The following NRG1 variants were observed in gnomAD, a reference collection of about 807,000 sequenced individuals.
The protein encoded by NRG1 is pro-neuregulin-1, membrane-bound isoform.
Under a neutral mutation model 63.8 loss-of-function variants are expected in NRG1, and 18 were observed. The observed-to-expected ratio is 0.28, with a 90% CI of 0.19 to 0.42. NRG1 has a LOEUF of 0.42. Ranked by LOEUF, NRG1 falls within the 10% of genes least tolerant of loss-of-function variation. The probability of loss-of-function intolerance (pLI) is 1.00; values close to 1 mark genes in which losing one functional copy is unlikely to be tolerated. For synonymous variants in NRG1, 302 were observed against 301.3 expected (o/e 1.00, Z -0.02); for missense variants, 762 against 814.7 (o/e 0.94, Z 0.79).
At chr8:31,775,649 C>CA (rs772443471) in intron 1 of NRG1, among the ~76,000 whole-genome samples, 1 of 151,984 alleles carries the variant, frequency 6.6e-6, no homozygotes, top group Non-Finnish European at 1.5e-5. Context: ...GCACGGAGGC[C>CA]AAGGCAGGCG....
intron 1 of NRG1, among the ~76,000 whole-genome samples, chr8:31,646,625 T>G (rs1804313067): frequency 6.6e-6 from 1 of 152,322 alleles, no homozygotes; most frequent in South Asian, 2.1e-4. Context: ...TAACTACCAC[T>G]TATGGAGTTG....
intron 1 of NRG1, among the ~76,000 whole-genome samples, chr8:32,224,486 G>A (rs1257044825): frequency 1.3e-5 from 2 of 152,152 alleles, no homozygotes; most frequent in African/African-American, 4.8e-5. Flanking sequence ...ATCTTCCAGT[G>A]GGAGGATATT....
intron 1 of NRG1, among the ~76,000 whole-genome samples, chr8:31,959,687 G>A (rs1229100877): frequency 6.6e-6 from 1 of 151,964 alleles, no homozygotes; most frequent in Admixed American, 6.6e-5. Context: ...AGCATAGCCT[G>A]CTGGCCCCAA....
chr8:32,205,583 CA>C, intron 1 of NRG1, among the ~76,000 whole-genome samples: 1 of 152,120 alleles, frequency 6.6e-6, no homozygotes, highest in Non-Finnish European at 1.5e-5. Flanking sequence ...GGAATTAACT[CA>C]AAAAGACTAA....
chr8:32,164,146 T>C (rs1404845719), intron 1 of NRG1, among the ~76,000 whole-genome samples: 1 of 152,166 alleles, frequency 6.6e-6, no homozygotes, highest in African/African-American at 2.4e-5. Context: ...AGTTTTTCTA[T>C]TCTATGCCCC....
intron 1 of NRG1, among the ~76,000 whole-genome samples, chr8:31,820,348 T>C (rs1034541739): frequency 3.3e-5 from 5 of 152,220 alleles, no homozygotes; most frequent in African/African-American, 1.2e-4. Context: ...CTTGTATGTA[T>C]TCTGGCATGT....
intron 1 of NRG1, among the ~76,000 whole-genome samples, chr8:32,108,700 G>A (rs751474249): frequency 6.6e-6 from 1 of 151,808 alleles, no homozygotes; most frequent in Non-Finnish European, 1.5e-5. Context: ...TGAGAGTGAC[G>A]TAATGCGAAC....
At chr8:32,542,214 C>G (rs1490850621) in intron 1 of NRG1, among the ~76,000 whole-genome samples, 1 of 152,172 alleles carries the variant, frequency 6.6e-6, no homozygotes, top group East Asian at 1.9e-4. Flanking sequence ...CGCATTTTAT[C>G]ATTTTATAAC....
intron 1 of NRG1, among the ~76,000 whole-genome samples, chr8:31,654,518 C>T (rs923485873): frequency 5.3e-5 from 8 of 152,302 alleles, no homozygotes; most frequent in Admixed American, 3.3e-4. Flanking sequence ...TCTTTGCCAT[C>T]GGCTGTTCGG....
At chr8:32,741,976 T>A in intron 6 of NRG1, 32 bp from the exon 7 acceptor site, 2 of 1,586,796 alleles carry the variant, frequency 1.3e-6, no homozygotes, top group Non-Finnish European at 1.7e-6. Context: ...CTTTAGCATT[T>A]TTTTTTTGCT....
At chr8:32,560,928 G>A (rs907862687) in intron 1 of NRG1, among the ~76,000 whole-genome samples, 1 of 152,170 alleles carries the variant, frequency 6.6e-6, no homozygotes, top group South Asian at 2.1e-4. Context: ...GCTGTTCCTG[G>A]TAGGTAATGA....
At chr8:32,757,949 G>A (rs1400370567) in intron 9 of NRG1, among the ~76,000 whole-genome samples, 1 of 152,140 alleles carries the variant, frequency 6.6e-6, no homozygotes, top group Non-Finnish European at 1.5e-5. Flanking sequence ...TTCAGGGACT[G>A]GAAGTAGGTC....
intron 1 of NRG1, among the ~76,000 whole-genome samples, chr8:32,137,885 T>C (rs1326340302): frequency 6.6e-6 from 1 of 152,204 alleles, no homozygotes; most frequent in African/African-American, 2.4e-5. Context: ...ATATTGTATA[T>C]GTAGTTCTTC....
chr8:31,855,231 C>CTT (rs1265545588), intron 1 of NRG1, among the ~76,000 whole-genome samples: 3 of 152,008 alleles, frequency 2.0e-5, no homozygotes, highest in Non-Finnish European at 2.9e-5. Context: ...CTCCCATTAA[C>CTT]AATGTGTGGG....
intron 5 of NRG1, among the ~76,000 whole-genome samples, chr8:32,650,302 G>A (rs1370092312): frequency 6.6e-6 from 1 of 152,012 alleles, no homozygotes; most frequent in Non-Finnish European, 1.5e-5. Context: ...GCATCATTGT[G>A]GCCAGTTTGA....
At chr8:32,138,762 T>C (rs1835874144) in intron 1 of NRG1, among the ~76,000 whole-genome samples, 1 of 151,998 alleles carries the variant, frequency 6.6e-6, no homozygotes, top group African/African-American at 2.4e-5. Flanking sequence ...GAAACAGGGT[T>C]TCACCATATT....
At chr8:32,691,043 C>T (rs1471816579) in intron 5 of NRG1, among the ~76,000 whole-genome samples, 1 of 151,622 alleles carries the variant, frequency 6.6e-6, no homozygotes, top group African/African-American at 2.4e-5. Context: ...TTTTCACTCA[C>T]ATTAAAAGGT....
chr8:32,331,230 T>C (rs1219574496), intron 1 of NRG1, among the ~76,000 whole-genome samples: 5 of 152,120 alleles, frequency 3.3e-5, no homozygotes, highest in Admixed American at 6.5e-5. Flanking sequence ...ACACAGCGGC[T>C]CACGCCTGTA....
intron 1 of NRG1, among the ~76,000 whole-genome samples, chr8:32,401,111 G>A (rs905248001): frequency 2.0e-5 from 3 of 152,092 alleles, no homozygotes; most frequent in African/African-American, 7.2e-5. Context: ...TGGATACATG[G>A]AGGGGAACGA....
Sources: gnomAD v4.1 joint callset for allele counts (sites outside exome capture counted in the v4.1 genomes callset) on GRCh38, gnomAD v4.1.1 for gene constraint, MANE v1.5 for transcripts, NCBI Gene and HGNC (gene_info 2026-07-23, HGNC 2026-07-21) for gene names.